Variants in CHRNG observed in about 807,000 individuals in gnomAD.
CHRNG encodes cholinergic receptor nicotinic gamma subunit, also known as acetylcholine receptor subunit gamma.
Under a neutral mutation model 65.2 loss-of-function variants are expected in CHRNG, and 72 were observed. The ratio of observed to expected loss-of-function variants is 1.10; its 90% CI spans 0.91 to 1.34. The LOEUF (loss-of-function observed/expected upper bound fraction) is 1.34. Ranked by LOEUF, CHRNG falls within the 40% of genes most tolerant of loss-of-function variation. CHRNG has a pLI of 0.00. For synonymous variants in CHRNG, 284 were observed against 290.2 expected (o/e 0.98, Z 0.22); for missense variants, 637 against 680.1 (o/e 0.94, Z 0.70).
rs1382596064 is a variant in CHRNG, at chr2:232,546,552, G to A, written c.*836G>A. ...AGTAGAGATGAGGTTTTGCTATGTT[G>A]CCTAGGTTGGTCTTGAACTCCTGAG... is the stretch of plus-strand genomic sequence containing the variant. On this transcript the variant is annotated 3_prime_UTR_variant, in exon 12 of 12. Transcript: ENST00000651502. The A allele has an allele frequency of 6.6e-6, 1 of 152,134 alleles. No homozygotes were observed. Among genetic ancestry groups the A allele is most frequent in the Non-Finnish European group, 1.5e-5 (1 of 68,154 alleles). The allele number at this position is 152,134 out of a possible 1,614,324, so 9.4% of individuals were successfully genotyped here. A position where few individuals can be genotyped will look rare whatever the true frequency, so the allele number is the denominator to read the frequency against.
At position 232,540,765 on chromosome 2, in the gene CHRNG, C is replaced by T. The variant is rs1331171136; in HGVS notation, c.350+54C>T. 4 of 1,480,500 alleles carry T rather than the reference C, an allele frequency of 2.7e-6. No homozygotes were observed. The highest frequency in any genetic ancestry group is 1.4e-5 in the African/African-American group (1 of 72,462). 91.7% of individuals were successfully genotyped at this position (1,480,500 alleles called of 1,614,324 possible). A position where few individuals can be genotyped will look rare whatever the true frequency, so the allele number is the denominator to read the frequency against. On this transcript the variant is annotated intron_variant, in intron 4 of 11. Coordinates refer to ENST00000651502, the MANE Select transcript of CHRNG (RefSeq NM_005199.5). This position sits in a 1 kb window ranked among gnomAD's most constrained non-coding sequence, Gnocchi z 4.2. ...GGGGACAAAGGACACAGGGTCTGGG[C>T]CCAGCAGAACAAGGCACTCTGGGAA...
rs187345322 is a variant in CHRNG at position 232,541,129 on chromosome 2, A to T, written c.351-245A>T. Among the ~76,000 whole-genome samples, 562 of 149,320 alleles carry T rather than the reference A, an allele frequency of 3.8e-3. 2 individuals carry two copies. Among genetic ancestry groups the T allele is most frequent in the African/African-American group, 0.013 (524 of 39,380 alleles). ...TTATTATTATTATTATGATTAAAAC[A>T]AGAGAGAGTAAGATAAGCAGAAATT... On this transcript the variant is annotated intron_variant, in intron 4 of 11. Coordinates refer to ENST00000651502, the MANE Select transcript of CHRNG (RefSeq NM_005199.5). This position sits in a 1 kb window ranked among gnomAD's most constrained non-coding sequence, Gnocchi z 4.0.
At position 232,540,034 on chromosome 2, in the gene CHRNG, T is replaced by C. The variant is rs772604725; in HGVS notation, c.98T>C (p.Leu33Pro). ...RNQEERLLAD[L>P]MQNYDPNLRP... ...CAGGAGGAGCGCCTGCTCGCAGACCTGATGCAAAACTACGACCCCAACCTG... is the reference window on the plus strand; with the variant it reads ...CAGGAGGAGCGCCTGCTCGCAGACCCGATGCAAAACTACGACCCCAACCTG... The change falls in exon 2 of 12, where the codon CTG becomes CCG. Residue 33 changes from leucine (L) to proline (P), a missense_variant. Coordinates refer to ENST00000651502, the MANE Select transcript of CHRNG (RefSeq NM_005199.5). The surrounding 1 kb of genome is among the most constrained non-coding windows in gnomAD (Gnocchi z 4.2). The C allele has an allele frequency of 5.6e-6, 9 of 1,614,174 alleles. No individual in the cohort carries two copies. The East Asian group carries it at 2.0e-4, about 36-fold the overall frequency.
Position 232,543,656 on chromosome 2 carries a change from T to C in CHRNG, c.992T>C (p.Leu331Ser), listed in dbSNP as rs1692065375. ...GCTGTGGTTGTGCTCAATGTCTCCTTGCGGTCTCCACACACACACTCCATG... is the reference window on the plus strand; with the variant it reads ...GCTGTGGTTGTGCTCAATGTCTCCTCGCGGTCTCCACACACACACTCCATG... ...VNAVVVLNVS[L>S]RSPHTHSMAR... Residue 331 changes from leucine to serine, a missense_variant, in exon 9 of 12, where the codon TTG becomes TCG. Coordinates refer to ENST00000651502, the MANE Select transcript of CHRNG (RefSeq NM_005199.5). The C allele has an allele frequency of 6.2e-7, 1 of 1,613,870 alleles. No homozygotes were observed. The highest frequency in any genetic ancestry group is 1.3e-5 in the African/African-American group (1 of 74,996).
intron 9 of CHRNG, 72 bp downstream of exon 9, chr2:232,543,771 C>T (rs1692068806): frequency 1.1e-6 from 1 of 904,602 alleles, no homozygotes; most frequent in East Asian, 2.5e-5. Flanking sequence ...CACGCCCCGG[C>T]AGTACTCACC....
chr2:232,548,091 T>TA lies in CHRNG; in HGVS notation c.*2381dup, dbSNP rs1196992391. 13 of 634,468 alleles carry TA rather than the reference T, an allele frequency of 2.0e-5. No individual in the cohort carries two copies. Among genetic ancestry groups the TA allele is most frequent in the Non-Finnish European group, 2.9e-5 (11 of 380,218 alleles). The allele number at this position is 634,468 out of a possible 1,614,324, so 39.3% of individuals were successfully genotyped here. On this transcript the variant is annotated 3_prime_UTR_variant, in exon 12 of 12. Transcript: ENST00000651502. The stretch of plus-strand genomic sequence containing the variant: ...CCTAAATTTAAAAATACTTTATTGC[T>TA]AAAAAATGCTGATTATCAATCTGAG...
chr2:232,545,551 GGAGTGGTTCCTGGTGGGCC>G lies in CHRNG; in HGVS notation c.1395_1413del (p.Trp465CysfsTer65). On this transcript the variant is annotated frameshift_variant, in exon 12 of 12. Coordinates refer to ENST00000651502, the MANE Select transcript of CHRNG (RefSeq NM_005199.5). LOFTEE classifies it high-confidence loss of function. ...CTGCCTCCCACCCTCAGGGGAATGA[GGAGTGGTTCCTGGTGGGCC>G]GAGTGCTGGACCGCGTCTGCTTCCT... 1 of 1,613,760 alleles carries G rather than the reference GGAGTGGTTCCTGGTGGGCC, an allele frequency of 6.2e-7. No individual in the cohort carries two copies. The highest frequency in any genetic ancestry group is 8.5e-7 in the Non-Finnish European group (1 of 1,179,948).
chr2:232,539,956 C>A (rs1432089133), intron 1 of CHRNG, 36 bp from the exon 2 acceptor site: 4 of 1,613,966 alleles, frequency 2.5e-6, no homozygotes, highest in Non-Finnish European at 3.4e-6. Context: ...CTTTCCACCT[C>A]CAAGCTCCTG....
At position 232,543,823 on chromosome 2, in the gene CHRNG, G is replaced by A. The variant is rs1036000969; in HGVS notation, c.1035+124G>A. 7 of 711,378 alleles carry A rather than the reference G, an allele frequency of 9.8e-6. No individual in the cohort carries two copies. The East Asian group carries it at 1.9e-4, about 19-fold the overall frequency. The allele number at this position is 711,378 out of a possible 1,614,324, so 44.1% of individuals were successfully genotyped here. A position where few individuals can be genotyped will look rare whatever the true frequency, so the allele number is the denominator to read the frequency against. ...ACACCCATCCTGGGCGTATCTGGAC[G>A]CATGGACCAAAATCGATTACAGTAA... is the stretch of plus-strand genomic sequence containing the variant. On this transcript the variant is annotated intron_variant, in intron 9 of 11. Transcript: ENST00000651502.
intron 9 of CHRNG, 114 bp downstream of exon 9, chr2:232,543,813 G>T (rs908928098): frequency 4.1e-6 from 3 of 728,838 alleles, no homozygotes; most frequent in Non-Finnish European, 7.4e-6. Flanking sequence ...CATCCTGGGC[G>T]TATCTGGACG....
intron 11 of CHRNG, 134 bp downstream of exon 11, chr2:232,545,036 C>A: frequency 1.8e-6 from 2 of 1,122,158 alleles, no homozygotes; most frequent in Non-Finnish European, 2.6e-6. Flanking sequence ...GTGGGTCACA[C>A]CTGTAATCCC....
chr2:232,544,647 G>A (rs978058619), intron 10 of CHRNG, 67 bp downstream of exon 10: 1 of 1,564,014 alleles, frequency 6.4e-7, no homozygotes, highest in African/African-American at 1.4e-5. Context: ...GCCAGGCACA[G>A]CAGATGAGTG....
chr2:232,547,905 G>A lies in CHRNG; in HGVS notation c.*2189G>A, dbSNP rs768259961. 8.4e-5 allele frequency: 35 copies of A among 417,536 alleles called. No homozygotes were observed. The highest frequency in any genetic ancestry group is 6.0e-4 in the Middle Eastern group (1 of 1,662). The allele number at this position is 417,536 out of a possible 1,614,324, so 25.9% of individuals were successfully genotyped here. ...ATACAGCAACCTAAGGAGGTAGGTC[G>A]AGGCATACCTCAAAGACATTGCAGG... On this transcript the variant is annotated 3_prime_UTR_variant, in exon 12 of 12. Coordinates refer to ENST00000651502, the MANE Select transcript of CHRNG (RefSeq NM_005199.5).
In CHRNG at chr2:232,539,977, G is replaced by A. The variant is rs773582931; in HGVS notation, c.56-15G>A. The A allele has an allele frequency of 8.7e-6, 14 of 1,613,954 alleles. No homozygotes were observed. The highest frequency in any genetic ancestry group is 3.3e-5 in the South Asian group (3 of 91,094). On this transcript the variant is annotated splice_polypyrimidine_tract_variant and intron_variant, in intron 1 of 11. Coordinates refer to ENST00000651502, the MANE Select transcript of CHRNG (RefSeq NM_005199.5). ...ACCTCCAAGCTCCTGCTAGGCTCAC[G>A]CCTGTCTATTGCAGGGGCCCAGGGC...
rs1692005169 is a variant in CHRNG at position 232,541,096 on chromosome 2, T to G, written c.351-278T>G. Among the ~76,000 whole-genome samples the G allele has an allele frequency of 9.1e-6, 1 of 110,366 alleles. No homozygotes were observed. The highest frequency in any genetic ancestry group is 2.1e-5 in the Non-Finnish European group (1 of 48,218). The allele number at this position is 110,366 out of a possible 152,430, so 72.4% of individuals were successfully genotyped here. A position where few individuals can be genotyped will look rare whatever the true frequency, so the allele number is the denominator to read the frequency against. ...TTAACACATTAGTCGCTATTATGAC[T>G]ATTATTATTATTATTATTATTATGA... On this transcript the variant is annotated intron_variant, in intron 4 of 11. Coordinates refer to ENST00000651502, the MANE Select transcript of CHRNG (RefSeq NM_005199.5). This position sits in a 1 kb window ranked among gnomAD's most constrained non-coding sequence, Gnocchi z 4.0.
At chr2:232,543,230 G>C in intron 7 of CHRNG, 45 bp from the exon 8 acceptor site, 1 of 1,552,298 alleles carries the variant, frequency 6.4e-7, no homozygotes, top group Non-Finnish European at 8.9e-7. Flanking sequence ...CTCTGTGGGT[G>C]GGGGAGGTAG....
At chr2:232,545,208 G>A (rs1010658891) in intron 11 of CHRNG, among the ~76,000 whole-genome samples, 19 of 152,198 alleles carry the variant, frequency 1.2e-4, no homozygotes, top group African/African-American at 4.6e-4. Context: ...TCAGGAGGCT[G>A]AGGCAGGAGA....
Position 232,548,089 on chromosome 2 carries a change from G to T in CHRNG, c.*2373G>T, listed in dbSNP as rs1692162423. The T allele has an allele frequency of 6.4e-6, 4 of 621,628 alleles. No individual in the cohort carries two copies. Among genetic ancestry groups the T allele is most frequent in the Non-Finnish European group, 1.1e-5 (4 of 369,272 alleles). The allele number at this position is 621,628 out of a possible 1,614,324, so 38.5% of individuals were successfully genotyped here. Reference sequence around the variant, plus strand: ...TACCTAAATTTAAAAATACTTTATTGCTAAAAAATGCTGATTATCAATCTG... The same window carrying T: ...TACCTAAATTTAAAAATACTTTATTTCTAAAAAATGCTGATTATCAATCTG... On this transcript the variant is annotated 3_prime_UTR_variant, in exon 12 of 12. Transcript: ENST00000651502.
chr2:232,545,490 A>G, intron 11 of CHRNG, 53 bp from the exon 12 acceptor site: 1 of 1,520,864 alleles, frequency 6.6e-7, no homozygotes, highest in South Asian at 1.2e-5. Context: ...AACAGGACCC[A>G]GGGAAGACCT....
Sources: allele counts gnomAD v4.1 joint callset (sites outside exome capture counted in the v4.1 genomes callset), GRCh38; gene constraint gnomAD v4.1.1; non-coding constraint Gnocchi (gnomAD v3.1); transcripts MANE v1.5; gene names NCBI Gene and HGNC (gene_info 2026-07-23, HGNC 2026-07-21).